ARL6IP6: variants seen among roughly 807,000 people sequenced by gnomAD.
ARL6IP6 encodes ARF like GTPase 6 interacting protein 6.
A neutral mutation model predicts 21.5 loss-of-function variants in ARL6IP6; 22 were observed. The observed-to-expected ratio is 1.02, with a 90% CI of 0.73 to 1.46. The LOEUF is 1.46. Among genes scored for constraint, ARL6IP6 ranks in the 40% most tolerant of loss-of-function variants. The pLI, the probability that ARL6IP6 is intolerant of heterozygous loss-of-function variation, is 0.00. For missense variants in ARL6IP6, 388 were observed against 299.8 expected (o/e 1.29, Z -2.17); for synonymous variants, 164 against 125.3 (o/e 1.31, Z -2.06).
At chr2:152,749,565 A>T (rs1004051474) in intron 3 of ARL6IP6, among the ~76,000 whole-genome samples, 1 of 152,190 alleles carries the variant, frequency 6.6e-6, no homozygotes, top group African/African-American at 2.4e-5. Context: ...TTGATCATTT[A>T]CTATGTGCCA....
At chr2:152,734,905 T>C (rs1700483065) in intron 2 of ARL6IP6, 89 bp from the exon 3 acceptor site, 1 of 1,299,498 alleles carries the variant, frequency 7.7e-7, no homozygotes, top group African/African-American at 1.5e-5. Context: ...AGATGAGAAA[T>C]ATACATGATC....
At chr2:152,758,749 A>T (rs1193762317) in intron 3 of ARL6IP6, among the ~76,000 whole-genome samples, 1 of 152,104 alleles carries the variant, frequency 6.6e-6, no homozygotes, top group Non-Finnish European at 1.5e-5. Context: ...TCTGCCACAG[A>T]TATTGTGCGA....
chr2:152,757,517 A>G (rs141816337), intron 3 of ARL6IP6, among the ~76,000 whole-genome samples: 27 of 152,296 alleles, frequency 1.8e-4, no homozygotes, highest in Middle Eastern at 3.4e-3. Flanking sequence ...AATTTTAAAT[A>G]AGTCCTCTAT....
At chr2:152,726,363 A>T (rs894459138) in intron 2 of ARL6IP6, among the ~76,000 whole-genome samples, 2 of 46,464 alleles carry the variant, frequency 4.3e-5, no homozygotes, top group African/African-American at 1.6e-4. Context: ...GCTACCATGC[A>T]CTCTGCACCC....
intron 2 of ARL6IP6, chr2:152,732,531 G>A (rs1239768046): frequency 2.2e-6 from 1 of 453,212 alleles, no homozygotes; most frequent in Non-Finnish European, 4.5e-6. Context: ...TGGCTTCTAG[G>A]AATTATCTGT....
chr2:152,749,345 G>A (rs1045510299), intron 3 of ARL6IP6, among the ~76,000 whole-genome samples: 4 of 146,722 alleles, frequency 2.7e-5, no homozygotes, highest in South Asian at 2.1e-4. Context: ...ACGCACGCAC[G>A]CGAGAGAGAC....
At chr2:152,731,880 A>T (rs975781968) in intron 2 of ARL6IP6, among the ~76,000 whole-genome samples, 5 of 152,116 alleles carry the variant, frequency 3.3e-5, no homozygotes, top group African/African-American at 1.2e-4. Flanking sequence ...CCTTATTTAT[A>T]CAAATGCATA....
At chr2:152,746,778 C>G (rs1701070009) in intron 3 of ARL6IP6, among the ~76,000 whole-genome samples, 1 of 115,240 alleles carries the variant, frequency 8.7e-6, no homozygotes, top group Non-Finnish European at 1.9e-5. Context: ...TGCCAGTTAT[C>G]TTTTCTTGGA....
Position 152,718,728 on chromosome 2 carries a change from A to G in ARL6IP6, c.104A>G (p.Asp35Gly). 1 of 1,608,322 alleles carries G rather than the reference A, an allele frequency of 6.2e-7. No homozygotes were observed. The highest frequency in any genetic ancestry group is 1.1e-5 in the South Asian group (1 of 89,990). Residue 35 changes from aspartate to glycine, a missense_variant, in exon 1 of 4, where the codon GAC (aspartate) becomes GGC (glycine). Transcript: ENST00000326446. ...TCGTATTCCTCCTTTACTCAGGGGG[A>G]CAGCTGGGGTGAAGGCGAAGTCGAC... ...RPSYSSFTQG[D>G]SWGEGEVDEE... is the part of the protein sequence containing the mutation.
At chr2:152,717,699 A>T, upstream of ARL6IP6, 1 of 1,385,510 alleles carries the variant, frequency 7.2e-7, no homozygotes, top group Non-Finnish European at 9.4e-7. Flanking sequence ...AACTCTACCA[A>T]CTTCCCCAGG....
chr2:152,737,242 C>G lies in ARL6IP6; in HGVS notation c.587+2116C>G, dbSNP rs138659171. ...AAGTCATGATTTTACTCTTGCTGTT[C>G]TCTCTCCCTGGATTATCATTTTCCC... is the stretch of plus-strand genomic sequence containing the variant. On this transcript the variant is annotated intron_variant, in intron 3 of 3. Transcript: ENST00000326446. 4.8e-3 allele frequency among the ~76,000 whole-genome samples: 726 copies of G among 152,262 alleles called. 4 individuals carry two copies. Among genetic ancestry groups the G allele is most frequent in the African/African-American group, 0.016 (675 of 41,520 alleles).
chr2:152,756,797 A>T (rs981939046), intron 3 of ARL6IP6, among the ~76,000 whole-genome samples: 5 of 152,230 alleles, frequency 3.3e-5, no homozygotes, highest in African/African-American at 1.2e-4. Context: ...GGTGATGTGG[A>T]ACAACTTAAA....
chr2:152,726,377 A>G (rs765775139), intron 2 of ARL6IP6, among the ~76,000 whole-genome samples: 1 of 152,012 alleles, frequency 6.6e-6, no homozygotes, highest in Non-Finnish European at 1.5e-5. Context: ...TGCACCCACT[A>G]TGCTCATGTT....
intron 2 of ARL6IP6, among the ~76,000 whole-genome samples, chr2:152,723,810 C>G (rs201000305): frequency 6.6e-6 from 1 of 150,748 alleles, no homozygotes; most frequent in Non-Finnish European, 1.5e-5. Flanking sequence ...TAAAAAAAGT[C>G]CAAGAGAAAG....
intron 3 of ARL6IP6, among the ~76,000 whole-genome samples, chr2:152,739,772 A>T (rs1216092695): frequency 6.6e-6 from 1 of 152,252 alleles, no homozygotes; most frequent in African/African-American, 2.4e-5. Context: ...TGGGTAATTT[A>T]TAAAGGAAAG....
At chr2:152,726,691 A>G (rs1700066297) in intron 2 of ARL6IP6, among the ~76,000 whole-genome samples, 1 of 152,218 alleles carries the variant, frequency 6.6e-6, no homozygotes, top group Non-Finnish European at 1.5e-5. Flanking sequence ...AAAGTTAGCT[A>G]AGTACAGCCA....
intron 1 of ARL6IP6, among the ~76,000 whole-genome samples, chr2:152,719,381 G>A (rs897152235): frequency 6.6e-6 from 1 of 152,080 alleles, no homozygotes; most frequent in African/African-American, 2.4e-5. Context: ...AATTAAAATA[G>A]GCCATGTTCA....
At chr2:152,756,318 C>T (rs1701591337) in intron 3 of ARL6IP6, among the ~76,000 whole-genome samples, 1 of 152,068 alleles carries the variant, frequency 6.6e-6, no homozygotes, top group South Asian at 2.1e-4. Context: ...ACAAAAAATA[C>T]ACATTAATTT....
chr2:152,750,981 T>G (rs891742072), intron 3 of ARL6IP6, among the ~76,000 whole-genome samples: 1 of 152,206 alleles, frequency 6.6e-6, no homozygotes, highest in African/African-American at 2.4e-5. Flanking sequence ...CTTGTAAATT[T>G]TGAAGTAAAA....
Sources: allele counts gnomAD v4.1 joint callset (sites outside exome capture counted in the v4.1 genomes callset), GRCh38; gene constraint gnomAD v4.1.1; transcripts MANE v1.5; gene names NCBI Gene and HGNC (gene_info 2026-07-23, HGNC 2026-07-21).